CPM: variants seen among roughly 807,000 people sequenced by gnomAD.
CPM encodes renal carboxypeptidase.
Under a neutral mutation model 46.4 loss-of-function variants are expected in CPM, and 35 were observed. The ratio of observed to expected loss-of-function variants is 0.75; its 90% CI spans 0.58 to 1.00. The LOEUF is 1.00. Among genes scored for constraint, CPM ranks in the 50% least tolerant of loss-of-function variants. CPM has a pLI of 0.00. For missense variants in CPM, 422 were observed against 530.4 expected (o/e 0.80, Z 2.01); for synonymous variants, 195 against 195.3 (o/e 1.00, Z 0.01).
intron 2 of CPM, among the ~76,000 whole-genome samples, chr12:68,923,953 A>G (rs948530297): frequency 5.9e-5 from 9 of 152,094 alleles, no homozygotes; most frequent in African/African-American, 2.2e-4. Flanking sequence ...ATTTGTATAC[A>G]AAAAAGATTT....
At chr12:68,902,968 C>T (rs1399128729) in intron 2 of CPM, among the ~76,000 whole-genome samples, 1 of 152,208 alleles carries the variant, frequency 6.6e-6, no homozygotes, top group Non-Finnish European at 1.5e-5. Flanking sequence ...TCACTATTAA[C>T]AAGTTGCTTC....
intron 2 of CPM, among the ~76,000 whole-genome samples, chr12:68,896,448 T>C (rs1007717275): frequency 3.9e-5 from 6 of 152,316 alleles, no homozygotes; most frequent in Non-Finnish European, 7.4e-5. Context: ...TAGCAAATGA[T>C]TGATAAATGT....
rs182137534 is a variant in CPM, at chr12:68,962,197, C to A, written c.-4+972G>T. 7.1e-4 allele frequency among the ~76,000 whole-genome samples: 28 copies of A among 39,218 alleles called. No individual in the cohort carries two copies. The Admixed American group carries it at 8.3e-3, about 12-fold the overall frequency. The allele number at this position is 39,218 out of a possible 152,430, so 25.7% of individuals were successfully genotyped here. The stretch of plus-strand genomic sequence containing the variant: ...CCTGGGCGACAGAGCGAGACTCCAT[C>A]TCAAAAAAAAAAAAAAAAAAACCAA... On this transcript the variant is annotated intron_variant, in intron 1 of 8. Coordinates refer to the CPM transcript ENST00000546373.
intron 2 of CPM, among the ~76,000 whole-genome samples, chr12:68,918,530 C>T (rs183790281): frequency 3.1e-4 from 47 of 152,290 alleles, no homozygotes; most frequent in Admixed American, 9.8e-4. Flanking sequence ...ACTTCATACA[C>T]TCAGTCGAGC....
intron 2 of CPM, among the ~76,000 whole-genome samples, chr12:68,924,377 C>A (rs2136311767): frequency 6.6e-6 from 1 of 151,720 alleles, no homozygotes; most frequent in East Asian, 1.9e-4. Context: ...ACCCTAGCTA[C>A]TCAGGAGGTT....
chr12:68,872,456 T>C (rs886758638), intron 3 of CPM, among the ~76,000 whole-genome samples: 1 of 152,164 alleles, frequency 6.6e-6, no homozygotes, highest in African/African-American at 2.4e-5. Flanking sequence ...TTTCACTATG[T>C]TGGCCAGGCT....
chr12:68,917,044 C>T (rs539791021), intron 2 of CPM, among the ~76,000 whole-genome samples: 1 of 152,132 alleles, frequency 6.6e-6, no homozygotes, highest in Non-Finnish European at 1.5e-5. Context: ...GTGGATGAAG[C>T]AAAACGTGTT....
intron 1 of CPM, among the ~76,000 whole-genome samples, chr12:68,951,749 C>T (rs1888938580): frequency 6.6e-6 from 1 of 152,120 alleles, no homozygotes; most frequent in African/African-American, 2.4e-5. Context: ...AGCAGAGCAA[C>T]CAGGAGCCCG....
chr12:68,955,003 A>G (rs1313949074), intron 1 of CPM, among the ~76,000 whole-genome samples: 2 of 152,162 alleles, frequency 1.3e-5, no homozygotes, highest in South Asian at 2.1e-4. Context: ...AGCAGCCTGC[A>G]TGCCTGGCTG....
At chr12:68,910,610 T>C (rs553142564) in intron 2 of CPM, among the ~76,000 whole-genome samples, 1 of 152,180 alleles carries the variant, frequency 6.6e-6, no homozygotes, top group Non-Finnish European at 1.5e-5. Context: ...ATCCACTCAG[T>C]TTAAGTATAC....
chr12:68,938,038 C>T (rs993934903), upstream of CPM, among the ~76,000 whole-genome samples: 1 of 152,088 alleles, frequency 6.6e-6, no homozygotes, highest in Non-Finnish European at 1.5e-5. Context: ...TTTAAGGACT[C>T]TGAATTTCCC....
chr12:68,879,164 C>T (rs530755935), intron 3 of CPM, among the ~76,000 whole-genome samples: 10 of 152,184 alleles, frequency 6.6e-5, no homozygotes, highest in Admixed American at 2.0e-4. Flanking sequence ...TTCTAGCCTG[C>T]GTTACAGAGC....
chr12:68,932,935 C>T, intron 1 of CPM, 95 bp from the exon 2 acceptor site: 1 of 1,111,262 alleles, frequency 9.0e-7, no homozygotes, highest in South Asian at 1.4e-5. Flanking sequence ...TCAGGGTCTC[C>T]CGACACTGAC....
intron 2 of CPM, among the ~76,000 whole-genome samples, chr12:68,895,164 T>C (rs1886819170): frequency 6.6e-6 from 1 of 152,098 alleles, no homozygotes; most frequent in African/African-American, 2.4e-5. Context: ...GGTCATCTTC[T>C]TAGTAAAGAC....
intron 2 of CPM, among the ~76,000 whole-genome samples, chr12:68,923,394 T>C (rs551432958): frequency 7.7e-4 from 118 of 152,328 alleles, no homozygotes; most frequent in Non-Finnish European, 1.6e-3. Context: ...TACCGTCAGA[T>C]ACACACGTTC....
At chr12:68,960,173 T>C (rs1298576678) in intron 1 of CPM, among the ~76,000 whole-genome samples, 1 of 152,242 alleles carries the variant, frequency 6.6e-6, no homozygotes, top group Non-Finnish European at 1.5e-5. Flanking sequence ...AACATATGAA[T>C]GCACAAGTGA....
At position 68,856,472 on chromosome 12, in the gene CPM, A is replaced by G; in HGVS notation, c.1297T>C (p.Phe433Leu). ...AATATGTGCAAAAGACTCACTAAAAATAAGAACAAACTAGGCTTTGTTGCA... is the reference window on the plus strand; with the variant it reads ...AATATGTGCAAAAGACTCACTAAAAGTAAGAACAAACTAGGCTTTGTTGCA... Reference protein sequence around the residue: ...SAATKPSLFLFLVSLLHIFFK With the variant: ...SAATKPSLFLLLVSLLHIFFK The change falls in exon 9 of 9, where the codon TTT becomes CTT. Residue 433 changes from phenylalanine to leucine, a missense_variant. Physicochemically the swap from Phe to Leu is conservative, Grantham distance 22 (BLOSUM62 0). Transcript: ENST00000551568. The G allele has an allele frequency of 1.2e-6, 2 of 1,614,164 alleles. No individual in the cohort carries two copies. Among genetic ancestry groups the G allele is most frequent in the Non-Finnish European group, 1.7e-6 (2 of 1,180,010 alleles).
At chr12:68,920,209 C>T (rs1311758802) in intron 2 of CPM, among the ~76,000 whole-genome samples, 1 of 152,200 alleles carries the variant, frequency 6.6e-6, no homozygotes, top group East Asian at 1.9e-4. Flanking sequence ...GCCTGCAGAA[C>T]GCTTAGCCAA....
chr12:68,895,958 G>A (rs1886856337), intron 2 of CPM, among the ~76,000 whole-genome samples: 1 of 152,146 alleles, frequency 6.6e-6, no homozygotes, highest in African/African-American at 2.4e-5. Context: ...GGCTCTAACT[G>A]CTTTTCCTTC....
Sources: gnomAD v4.1 joint callset for allele counts (sites outside exome capture counted in the v4.1 genomes callset) on GRCh38, gnomAD v4.1.1 for gene constraint, MANE v1.5 for transcripts, NCBI Gene and HGNC (gene_info 2026-07-23, HGNC 2026-07-21) for gene names.